Variants in BBS2 observed in about 807,000 individuals in gnomAD.
The protein encoded by BBS2 is Bardet-Biedl syndrome 2.
A neutral mutation model predicts 83.0 loss-of-function variants in BBS2; 62 were observed. That is an observed-to-expected ratio of 0.75 (90% CI 0.61 to 0.92). The LOEUF (loss-of-function observed/expected upper bound fraction) is 0.92, where lower values mean the gene tolerates loss of function less well. BBS2 is among the 40% of genes least tolerant of loss of function. The pLI, the probability that BBS2 is intolerant of heterozygous loss-of-function variation, is 0.00. For missense variants in BBS2, 784 were observed against 901.0 expected, an observed-to-expected ratio of 0.87 and a Z score of 1.66; for synonymous variants, 303 against 326.1, an observed-to-expected ratio of 0.93 and a Z score of 0.76.
At chr16:56,480,356 A>AAAAAAAAAAAAC (rs1338991655), downstream of BBS2, among the ~76,000 whole-genome samples, 543 of 100,798 alleles carry the variant, frequency 5.4e-3, 10 homozygotes, top group African/African-American at 0.019. Context: ...CACACACAAA[A>AAAAAAAAAAAAC]AAAAAAAAAC....
intron 15 of BBS2, among the ~76,000 whole-genome samples, chr16:56,491,813 A>G (rs1222421527): frequency 1.3e-5 from 2 of 151,726 alleles, no homozygotes; most frequent in Admixed American, 6.6e-5. Context: ...AAGAAAAGCA[A>G]ATGACCGACA....
intron 12 of BBS2, 149 bp from the exon 13 acceptor site, chr16:56,498,717 A>G: frequency 6.6e-7 from 1 of 1,526,584 alleles, no homozygotes. Context: ...AAAAAAAAAA[A>G]AGAATTATAC....
At chr16:56,488,567 G>T (rs1963852790) in intron 15 of BBS2, among the ~76,000 whole-genome samples, 1 of 152,200 alleles carries the variant, frequency 6.6e-6, no homozygotes, top group African/African-American at 2.4e-5. Flanking sequence ...CCCTCCCTAG[G>T]TGCATCAACC....
chr16:56,514,108 TC>T (rs1166959550), intron 2 of BBS2, among the ~76,000 whole-genome samples: 1 of 152,220 alleles, frequency 6.6e-6, no homozygotes, highest in Non-Finnish European at 1.5e-5. Context: ...AGTAAGGGCT[TC>T]TACAAACTAT....
At chr16:56,486,604 T>C (rs1207012257) in intron 15 of BBS2, among the ~76,000 whole-genome samples, 2 of 152,110 alleles carry the variant, frequency 1.3e-5, no homozygotes, top group Admixed American at 6.5e-5. Flanking sequence ...AAAGGATATA[T>C]AGATATAGAT....
chr16:56,509,624 C>G (rs1282124703), intron 5 of BBS2: 2 of 292,938 alleles, frequency 6.8e-6, no homozygotes, highest in African/African-American at 4.3e-5. Flanking sequence ...ATATAAAGTA[C>G]TTAGAGCACT....
intron 1 of BBS2, among the ~76,000 whole-genome samples, chr16:56,515,677 A>AGTAGGTG (rs1964719506): frequency 6.6e-6 from 1 of 152,278 alleles, no homozygotes; most frequent in Admixed American, 6.5e-5. Context: ...TACCCAAGGC[A>AGTAGGTG]GCCTATTCAA....
chr16:56,489,806 A>G (rs1237083653), intron 15 of BBS2, among the ~76,000 whole-genome samples: 3 of 96,238 alleles, frequency 3.1e-5, no homozygotes, highest in Non-Finnish European at 7.8e-5. Context: ...ATCTCAAAGA[A>G]AAAAAAAAAG....
At chr16:56,514,718 T>C (rs754365698) in intron 1 of BBS2, 38 bp from the exon 2 acceptor site, 4 of 1,464,218 alleles carry the variant, frequency 2.7e-6, no homozygotes, top group East Asian at 4.8e-5. Flanking sequence ...CCTTAAAATA[T>C]AAAAAATTAG....
intron 17 of BBS2, among the ~76,000 whole-genome samples, chr16:56,472,030 C>T (rs1963215550): frequency 6.6e-6 from 1 of 152,146 alleles, no homozygotes; most frequent in Non-Finnish European, 1.5e-5. Flanking sequence ...GGTGCAATCA[C>T]AGCTCACTGC....
At chr16:56,498,391 A>C in intron 13 of BBS2, 46 bp downstream of exon 13, 1 of 1,604,192 alleles carries the variant, frequency 6.2e-7, no homozygotes, top group Non-Finnish European at 8.5e-7. Flanking sequence ...TGTTTGAATA[A>C]ATAAATTCAA....
intron 4 of BBS2, 106 bp downstream of exon 4, chr16:56,510,753 C>T (rs978954574): frequency 1.6e-6 from 2 of 1,255,346 alleles, no homozygotes; most frequent in Admixed American, 1.7e-5. Context: ...AACAGAGCAC[C>T]AAAATCAGCC....
At chr16:56,470,794 A>G (rs1963132680) in intron 17 of BBS2, 2 of 1,581,768 alleles carry the variant, frequency 1.3e-6, no homozygotes, top group African/African-American at 1.4e-5. Flanking sequence ...AAAGAAAGGT[A>G]AGCTGTTGTT....
At chr16:56,504,447 G>T (rs1334360386) in intron 7 of BBS2, among the ~76,000 whole-genome samples, 1 of 152,200 alleles carries the variant, frequency 6.6e-6, no homozygotes, top group East Asian at 1.9e-4. Flanking sequence ...AGGAAAGGAT[G>T]GCCCTCCAAC....
Position 56,519,794 on chromosome 16 carries a change from G to A in BBS2, c.69C>T (p.Arg23=), listed in dbSNP as rs1475023400. 1 of 1,613,792 alleles carries A rather than the reference G, an allele frequency of 6.2e-7. No individual in the cohort carries two copies. Among genetic ancestry groups the A allele is most frequent in the South Asian group, 1.1e-5 (1 of 91,076 alleles). Residue 23 remains arginine (R), a synonymous_variant, in exon 1 of 17, where the codon CGC becomes CGT. Transcript: ENST00000245157. ...KISPRMVAIG[R]YDGTHPCLAA... ...CCAGGCACGGGTGAGTCCCGTCGTA[G>A]CGCCCTATGGCCACCATTCGGGGGC...
intron 12 of BBS2, chr16:56,498,998 A>G: frequency 3.4e-6 from 1 of 297,082 alleles, no homozygotes; most frequent in Non-Finnish European, 6.5e-6. Flanking sequence ...ATGTAAAATG[A>G]AGTATACATG....
At chr16:56,489,228 C>T (rs1412211962) in intron 15 of BBS2, among the ~76,000 whole-genome samples, 1 of 152,098 alleles carries the variant, frequency 6.6e-6, no homozygotes, top group Non-Finnish European at 1.5e-5. Context: ...GTAGTCCCAC[C>T]TACTCAGGAG....
At position 56,497,802 on chromosome 16, in the gene BBS2, G is replaced by A. The variant is rs1442277500; in HGVS notation, c.1738C>T (p.Leu580Phe). The A allele has an allele frequency of 6.2e-6, 10 of 1,613,222 alleles. No homozygotes were observed. The East Asian group carries it at 1.6e-4, about 25-fold the overall frequency. The change falls in exon 14 of 17, where the codon CTT (leucine) becomes TTT (phenylalanine). Residue 580 changes from leucine to phenylalanine, a missense_variant. By Grantham distance (22) the Leu-to-Phe change is conservative. Transcript: ENST00000245157. Reference sequence around the variant, plus strand: ...ACAGGAAAATCCGCTTCTACTTGAAGGTCTTCAATAGCAAAAAATGATGCC... The same window carrying A: ...ACAGGAAAATCCGCTTCTACTTGAAAGTCTTCAATAGCAAAAAATGATGCC... ...SMASFFAIED[L>F]QVEADFPVYF... is the part of the protein sequence containing the mutation.
chr16:56,498,303 G>T (rs1178176199), intron 13 of BBS2, 134 bp downstream of exon 13: 9 of 1,165,204 alleles, frequency 7.7e-6, no homozygotes, highest in Admixed American at 2.2e-5. Context: ...CCTTGACATT[G>T]ATGTCCCCCA....
Sources: allele counts gnomAD v4.1 joint callset (sites outside exome capture counted in the v4.1 genomes callset), GRCh38; gene constraint gnomAD v4.1.1; transcripts MANE v1.5; gene names NCBI Gene and HGNC (gene_info 2026-07-23, HGNC 2026-07-21).